Variants in SLC26A7 observed in about 807,000 individuals in gnomAD.
SLC26A7 encodes anion exchange transporter.
In SLC26A7, 59 loss-of-function variants were observed where a neutral mutation model predicts 82.5. The ratio of observed to expected loss-of-function variants is 0.72; its 90% CI spans 0.58 to 0.89. SLC26A7 has a LOEUF of 0.89. SLC26A7 is among the 40% of genes least tolerant of loss of function. The probability of loss-of-function intolerance (pLI) is 0.00; values close to 1 mark genes in which losing one functional copy is unlikely to be tolerated. For synonymous variants in SLC26A7, 271 were observed against 274.3 expected, an observed-to-expected ratio of 0.99 and a Z score of 0.12; for missense variants, 820 against 793.0, an observed-to-expected ratio of 1.03 and a Z score of -0.41.
intron 5 of SLC26A7, among the ~76,000 whole-genome samples, chr8:91,333,041 G>A (rs1813137901): frequency 6.6e-6 from 1 of 152,040 alleles, no homozygotes; most frequent in African/African-American, 2.4e-5. Flanking sequence ...AGGATGGATT[G>A]CATTTGGCTG....
intron 15 of SLC26A7, among the ~76,000 whole-genome samples, chr8:91,375,388 A>G (rs1814482196): frequency 6.6e-6 from 1 of 152,078 alleles, no homozygotes; most frequent in South Asian, 2.1e-4. Context: ...TTTCATTTTC[A>G]TGTTTAGAAC....
chr8:91,276,168 T>A (rs1315913761), intron 2 of SLC26A7, among the ~76,000 whole-genome samples: 1 of 152,172 alleles, frequency 6.6e-6, no homozygotes, highest in East Asian at 1.9e-4. Context: ...TTACTTCTTT[T>A]TTTTTCTAAA....
At chr8:91,321,055 A>C (rs1297389404) in intron 5 of SLC26A7, among the ~76,000 whole-genome samples, 2 of 152,156 alleles carry the variant, frequency 1.3e-5, no homozygotes, top group Non-Finnish European at 2.9e-5. Context: ...AGTTCTGTAG[A>C]CTGGGGTCTA....
intron 2 of SLC26A7, among the ~76,000 whole-genome samples, chr8:91,220,020 C>A (rs1048928041): frequency 6.6e-6 from 1 of 152,052 alleles, no homozygotes; most frequent in Non-Finnish European, 1.5e-5. Flanking sequence ...GGTTACCTTC[C>A]TAGCAAGGCC....
chr8:91,349,535 T>C (rs565144741), intron 9 of SLC26A7, among the ~76,000 whole-genome samples: 1 of 152,338 alleles, frequency 6.6e-6, no homozygotes, highest in East Asian at 1.9e-4. Context: ...TTTAGTGTAC[T>C]ATAATAAATT....
intron 4 of SLC26A7, among the ~76,000 whole-genome samples, chr8:91,301,786 A>T (rs138227723): frequency 3.9e-4 from 59 of 151,350 alleles, no homozygotes; most frequent in African/African-American, 1.2e-3. Context: ...CCATCTAGGA[A>T]TTCAATTTAC....
chr8:91,358,329 CTTTTTTTT>C (rs71273702), intron 11 of SLC26A7, among the ~76,000 whole-genome samples: 3 of 133,354 alleles, frequency 2.2e-5, no homozygotes, highest in Non-Finnish European at 4.8e-5. Context: ...TTTTCTTTTT[CTTTTTTTT>C]TTTTTTTTTG....
intron 8 of SLC26A7, 152 bp downstream of exon 8, chr8:91,340,703 A>G (rs1199529649): frequency 2.3e-6 from 2 of 877,786 alleles, no homozygotes; most frequent in Admixed American, 5.4e-5. Flanking sequence ...TATCAAAATC[A>G]TTCATAGGAA....
In SLC26A7 at chr8:91,220,933, C is replaced by A. The variant is rs1407143335; in HGVS notation, c.-34+1928C>A. 2.6e-5 allele frequency among the ~76,000 whole-genome samples: 4 copies of A among 152,324 alleles called. No homozygotes were observed. The East Asian group carries it at 7.7e-4, about 29-fold the overall frequency. On this transcript the variant is annotated intron_variant, in intron 2 of 5. Coordinates refer to the SLC26A7 transcript ENST00000522862. ...GATCTTTGAGGAATAGCCACACTGT[C>A]TTCCAGAATGGTTGAACTAATTTAC...
intron 6 of SLC26A7, 30 bp from the exon 7 acceptor site, chr8:91,338,120 T>C: frequency 6.4e-7 from 1 of 1,557,012 alleles, no homozygotes; most frequent in South Asian, 1.2e-5. Flanking sequence ...AATGTATATA[T>C]TTTTTCTTTT....
At chr8:91,330,578 A>T (rs1813053666) in intron 5 of SLC26A7, among the ~76,000 whole-genome samples, 1 of 152,176 alleles carries the variant, frequency 6.6e-6, no homozygotes, top group Non-Finnish European at 1.5e-5. Flanking sequence ...ACTAATCTTT[A>T]TCACCTGAAA....
intron 1 of SLC26A7, among the ~76,000 whole-genome samples, chr8:91,217,084 G>T (rs1300518417): frequency 6.6e-6 from 1 of 151,978 alleles, no homozygotes; most frequent in Non-Finnish European, 1.5e-5. Flanking sequence ...CTATCCTTGG[G>T]CTGAGCCATA....
intron 2 of SLC26A7, among the ~76,000 whole-genome samples, chr8:91,238,100 G>A (rs577223905): frequency 3.2e-4 from 48 of 152,184 alleles, no homozygotes; most frequent in South Asian, 1.9e-3. Flanking sequence ...TACCACTGCT[G>A]TATTCTTGAA....
chr8:91,370,883 C>T (rs60777213), intron 15 of SLC26A7, among the ~76,000 whole-genome samples: 1 of 151,840 alleles, frequency 6.6e-6, no homozygotes, highest in East Asian at 1.9e-4. Context: ...TTGTGTCATG[C>T]AATATTTGCT....
intron 3 of SLC26A7, among the ~76,000 whole-genome samples, chr8:91,290,799 A>T (rs1354332508): frequency 6.6e-6 from 1 of 152,204 alleles, no homozygotes; most frequent in African/African-American, 2.4e-5. Flanking sequence ...ATTTTCTGTT[A>T]ACATAACATT....
chr8:91,317,070 G>A (rs942737691), intron 4 of SLC26A7, among the ~76,000 whole-genome samples: 10 of 148,514 alleles, frequency 6.7e-5, no homozygotes, highest in African/African-American at 2.0e-4. Flanking sequence ...TAAAATGGGA[G>A]GATCACTTGA....
chr8:91,287,510 T>C (rs979749413), intron 2 of SLC26A7, among the ~76,000 whole-genome samples: 4 of 152,216 alleles, frequency 2.6e-5, no homozygotes, highest in Admixed American at 6.5e-5. Context: ...ATTGACCACA[T>C]TTATCAGAAT....
At chr8:91,218,894 G>C in exon 2 of SLC26A7, 1 of 1,541,266 alleles carries the variant, frequency 6.5e-7, no homozygotes, top group African/African-American at 1.4e-5. Context: ...TTTTAGGACT[G>C]GAAGATAAGC....
chr8:91,271,564 C>G (rs892773539), intron 2 of SLC26A7, among the ~76,000 whole-genome samples: 20 of 150,582 alleles, frequency 1.3e-4, no homozygotes, highest in African/African-American at 4.9e-4. Context: ...CTGCTGCTTC[C>G]AGGCTCGGGG....
Sources: gnomAD v4.1 joint callset for allele counts (sites outside exome capture counted in the v4.1 genomes callset) on GRCh38, gnomAD v4.1.1 for gene constraint, MANE v1.5 for transcripts, NCBI Gene and HGNC (gene_info 2026-07-23, HGNC 2026-07-21) for gene names.